MELK: variants seen among roughly 807,000 people sequenced by gnomAD.
MELK encodes maternal embryonic leucine zipper kinase, also known as pEg3 kinase.
In MELK, 81 loss-of-function variants were observed where a neutral mutation model predicts 85.0. That is an observed-to-expected ratio of 0.95 (90% confidence interval 0.80 to 1.15). The LOEUF (loss-of-function observed/expected upper bound fraction) is 1.15. Among genes scored for constraint, MELK ranks in the 50% most tolerant of loss-of-function variants. The pLI is 0.00. For synonymous variants in MELK, 252 were observed against 265.0 expected (o/e 0.95, Z 0.48); for missense variants, 754 against 777.5 (o/e 0.97, Z 0.36).
intron 10 of MELK, among the ~76,000 whole-genome samples, 193 bp downstream of exon 10, chr9:36,633,393 A>G (rs1007823656): frequency 1.4e-4 from 21 of 152,230 alleles, no homozygotes. Flanking sequence ...GGACCTTAAA[A>G]AGAAATGCCT....
intron 9 of MELK, among the ~76,000 whole-genome samples, 188 bp from the exon 10 acceptor site, chr9:36,632,914 T>C (rs188337639): frequency 2.0e-5 from 3 of 152,376 alleles, no homozygotes; most frequent in African/African-American, 7.2e-5. Context: ...TGTTGGTTGC[T>C]ATAGTTTTCT....
chr9:36,620,342 G>A (rs1405962337), intron 8 of MELK, among the ~76,000 whole-genome samples: 1 of 152,116 alleles, frequency 6.6e-6, no homozygotes, highest in African/African-American at 2.4e-5. Flanking sequence ...AATTCATTTA[G>A]GTATTACTGT....
intron 3 of MELK, among the ~76,000 whole-genome samples, chr9:36,586,095 C>T (rs1238869054): frequency 6.6e-6 from 1 of 151,998 alleles, no homozygotes; most frequent in Non-Finnish European, 1.5e-5. Context: ...AATCCCAGAA[C>T]TTTGGGAGAA....
intron 14 of MELK, among the ~76,000 whole-genome samples, chr9:36,668,326 T>A (rs1832576013): frequency 6.6e-6 from 1 of 152,176 alleles, no homozygotes; most frequent in South Asian, 2.1e-4. Flanking sequence ...AAAATTTTGA[T>A]ATTATATCTT....
intron 1 of MELK, among the ~76,000 whole-genome samples, chr9:36,577,496 C>T (rs1821775629): frequency 6.6e-6 from 1 of 151,796 alleles, no homozygotes; most frequent in Non-Finnish European, 1.5e-5. Flanking sequence ...AGCCTGGGCA[C>T]CAGAGCAAGA....
At chr9:36,593,961 G>C (rs980785417) in intron 4 of MELK, among the ~76,000 whole-genome samples, 1 of 152,102 alleles carries the variant, frequency 6.6e-6, no homozygotes, top group Non-Finnish European at 1.5e-5. Flanking sequence ...CCTGAGCCAC[G>C]GCGCCTGGCC....
rs142353052 is a variant in MELK at position 36,589,210 on chromosome 9, G to A, written c.145-326G>A. Among the ~76,000 whole-genome samples the A allele has an allele frequency of 6.7e-4, 102 of 151,730 alleles. 1 individual carries two copies. The highest frequency in any genetic ancestry group is 1.1e-3 in the Non-Finnish European group (73 of 67,966). On this transcript the variant is annotated intron_variant, in intron 3 of 17. Transcript: ENST00000298048. Reference sequence around the variant, plus strand: ...GTTGCCCAGGCGGGAGTGCAGTGGCGCAATCTCGGCTCACTCCAAGCTCCG... The same window carrying A: ...GTTGCCCAGGCGGGAGTGCAGTGGCACAATCTCGGCTCACTCCAAGCTCCG...
intron 6 of MELK, among the ~76,000 whole-genome samples, 190 bp downstream of exon 6, chr9:36,597,480 T>A (rs947432497): frequency 2.6e-4 from 39 of 152,204 alleles, no homozygotes; most frequent in African/African-American, 9.2e-4. Flanking sequence ...CAATCAAGAT[T>A]GAGAGTCACT....
intron 16 of MELK, among the ~76,000 whole-genome samples, chr9:36,671,649 AGGT>A: frequency 6.6e-6 from 1 of 152,346 alleles, no homozygotes; most frequent in Admixed American, 6.5e-5. Flanking sequence ...CTGGCTAAGA[AGGT>A]GTGGATCTTA....
At chr9:36,634,508 C>A (rs1012003281) in intron 10 of MELK, among the ~76,000 whole-genome samples, 6 of 151,240 alleles carry the variant, frequency 4.0e-5, no homozygotes, top group Admixed American at 4.0e-4. Flanking sequence ...GTCAGGAGTT[C>A]CAGACCAGCC....
intron 10 of MELK, 36 bp from the exon 11 acceptor site, chr9:36,642,960 AT>A (rs1474283483): frequency 4.1e-6 from 6 of 1,468,298 alleles, no homozygotes; most frequent in Non-Finnish European, 5.6e-6. Flanking sequence ...TATATTTGTA[AT>A]TTTTTGTTAA....
At chr9:36,623,064 C>A (rs1261573390) in intron 8 of MELK, among the ~76,000 whole-genome samples, 1 of 152,128 alleles carries the variant, frequency 6.6e-6, no homozygotes, top group East Asian at 1.9e-4. Context: ...GCATTTGGAC[C>A]ACATAATTCT....
intron 7 of MELK, among the ~76,000 whole-genome samples, chr9:36,602,165 T>C (rs1824995104): frequency 6.6e-6 from 1 of 152,084 alleles, no homozygotes; most frequent in Admixed American, 6.6e-5. Context: ...CCATAGTGAG[T>C]GCACCATCTT....
rs1456910055 is a variant in MELK at position 36,628,922 on chromosome 9, A to G, written c.667-1377A>G. On this transcript the variant is annotated intron_variant, in intron 8 of 17. Transcript: ENST00000298048. Reference sequence around the variant, plus strand: ...TCTGTCGCCCAGGCTAGAGTGCTGCAGTGACACGATCTGGGCTCACCGCAA... The same window carrying G: ...TCTGTCGCCCAGGCTAGAGTGCTGCGGTGACACGATCTGGGCTCACCGCAA... Among the ~76,000 whole-genome samples, 3 of 137,912 alleles carry G rather than the reference A, an allele frequency of 2.2e-5. No individual in the cohort carries two copies. In the East Asian group the frequency reaches 6.4e-4, roughly 29 times the overall value. The allele number at this position is 137,912 out of a possible 152,430, so 90.5% of individuals were successfully genotyped here. A position where few individuals can be genotyped will look rare whatever the true frequency, so the allele number is the denominator to read the frequency against.
intron 8 of MELK, among the ~76,000 whole-genome samples, chr9:36,627,883 G>C (rs1055365372): frequency 6.6e-6 from 1 of 150,958 alleles, no homozygotes; most frequent in African/African-American, 2.4e-5. Flanking sequence ...GCCAGAGACA[G>C]AAACTGACAA....
At chr9:36,579,144 C>G (rs1821946770) in intron 1 of MELK, among the ~76,000 whole-genome samples, 1 of 152,240 alleles carries the variant, frequency 6.6e-6, no homozygotes, top group Non-Finnish European at 1.5e-5. Context: ...TCTCCTGCCT[C>G]AGCCTCCCGA....
intron 11 of MELK, among the ~76,000 whole-genome samples, chr9:36,646,582 CT>C (rs1229617042): frequency 6.6e-6 from 1 of 152,236 alleles, no homozygotes; most frequent in Admixed American, 6.5e-5. Context: ...TCCTTACTGT[CT>C]TCCTGTTCCT....
chr9:36,670,740 A>G (rs1202774035), intron 15 of MELK, among the ~76,000 whole-genome samples: 5 of 151,140 alleles, frequency 3.3e-5, no homozygotes, highest in East Asian at 1.9e-4. Flanking sequence ...TATATATGAA[A>G]AAAGGATATA....
At chr9:36,573,861 T>A (rs1821358562) in intron 1 of MELK, among the ~76,000 whole-genome samples, 2 of 150,930 alleles carry the variant, frequency 1.3e-5, no homozygotes, top group Admixed American at 1.3e-4. Context: ...GCAGGATTGC[T>A]CCCACCAAGA....
Sources: allele counts gnomAD v4.1 joint callset (sites outside exome capture counted in the v4.1 genomes callset), GRCh38; gene constraint gnomAD v4.1.1; transcripts MANE v1.5; gene names NCBI Gene and HGNC (gene_info 2026-07-23, HGNC 2026-07-21).